LOXHD1: variants seen among roughly 807,000 people sequenced by gnomAD.
LOXHD1 encodes lipoxygenase homology PLAT domains 1, also known as lipoxygenase homology domain-containing protein 1.
A neutral mutation model predicts 248.2 loss-of-function variants in LOXHD1; 205 were observed. That is an observed-to-expected ratio of 0.83 (90% CI 0.74 to 0.93). The LOEUF (loss-of-function observed/expected upper bound fraction) is 0.93, where lower values mean the gene tolerates loss of function less well. Ranked by LOEUF, LOXHD1 falls within the 40% of genes least tolerant of loss-of-function variation. The pLI is 0.00. For missense variants in LOXHD1, 2,930 were observed against 2,971.6 expected (o/e 0.99, Z 0.33); for synonymous variants, 1,113 against 1,162.8 (o/e 0.96, Z 0.87).
intron 40 of LOXHD1, among the ~76,000 whole-genome samples, chr18:46,480,300 T>C (rs1407763683): frequency 3.3e-5 from 5 of 152,044 alleles, no homozygotes; most frequent in Non-Finnish European, 7.4e-5. Flanking sequence ...CAGTTGAGGG[T>C]GTAGCCTGCC....
intron 25 of LOXHD1, among the ~76,000 whole-genome samples, chr18:46,540,654 CTTTTTTTTTTT>C (rs60099172): frequency 1.1e-5 from 1 of 91,402 alleles, no homozygotes. Context: ...AACTCTTTAT[CTTTTTTTTTTT>C]TTTTTTTTTT....
chr18:46,580,703 T>C (rs1186414591), intron 12 of LOXHD1, among the ~76,000 whole-genome samples: 3 of 152,242 alleles, frequency 2.0e-5, no homozygotes, highest in African/African-American at 4.8e-5. Flanking sequence ...TTGTTATATC[T>C]GTAACTAAGA....
At chr18:46,589,060 G>T (rs1232551232) in intron 12 of LOXHD1, among the ~76,000 whole-genome samples, 1 of 152,160 alleles carries the variant, frequency 6.6e-6, no homozygotes, top group East Asian at 1.9e-4. Context: ...GTGAGTGTTG[G>T]AGGCTGAAAG....
chr18:46,495,458 A>G (rs2033796311), intron 37 of LOXHD1, among the ~76,000 whole-genome samples: 1 of 152,150 alleles, frequency 6.6e-6, no homozygotes, highest in Non-Finnish European at 1.5e-5. Context: ...TGTAACCTTA[A>G]TTGATCATCA....
At position 46,559,611 on chromosome 18, in the gene LOXHD1, A is replaced by C. The variant is rs879029946; in HGVS notation, c.3062-9T>G. The stretch of plus-strand genomic sequence containing the variant: ...AACCTCATAGGTGTTTCCTGTAGAC[A>C]CAGAAAGATGCAGTGTGGAGGGCCT... On this transcript the variant is annotated splice_polypyrimidine_tract_variant and intron_variant, in intron 19 of 40. Coordinates refer to ENST00000642948, the MANE Select transcript of LOXHD1 (RefSeq NM_001384474.1). 1.3e-6 allele frequency: 2 copies of C among 1,551,312 alleles called. No homozygotes were observed. The highest frequency in any genetic ancestry group is 2.4e-5 in the East Asian group (1 of 40,884).
Position 46,541,875 on chromosome 18 carries a change from T to C in LOXHD1, c.3814A>G (p.Thr1272Ala). The C allele has an allele frequency of 6.4e-7, 1 of 1,551,704 alleles. No individual in the cohort carries two copies. Among genetic ancestry groups the C allele is most frequent in the East Asian group, 2.4e-5 (1 of 40,912 alleles). The stretch of plus-strand genomic sequence containing the variant: ...GCCAGCCAGCGGCCACAGGGAAACG[T>C]CATGCACTTCCCAAGAGATGGGGCA... ...VDAPSLGKCM[T>A]FPCGRWLAKN... The change falls in exon 25 of 41, where the codon ACG (threonine) becomes GCG (alanine). Residue 1272 changes from threonine (T) to alanine (A), a missense_variant. Coordinates refer to ENST00000642948, the MANE Select transcript of LOXHD1 (RefSeq NM_001384474.1).
chr18:46,643,000 C>T (rs1343735530), intron 2 of LOXHD1, among the ~76,000 whole-genome samples: 3 of 152,176 alleles, frequency 2.0e-5, no homozygotes, highest in Non-Finnish European at 2.9e-5. Context: ...TATCCACCAT[C>T]GACGTCTTTT....
chr18:46,577,774 G>C lies in LOXHD1; in HGVS notation c.1903C>G (p.Leu635Val), dbSNP rs1057195292. 1.3e-6 allele frequency: 2 copies of C among 1,551,676 alleles called. No individual in the cohort carries two copies. The highest frequency in any genetic ancestry group is 1.7e-6 in the Non-Finnish European group (2 of 1,146,992). The change falls in exon 14 of 41, where the codon CTG becomes GTG. Residue 635 changes from leucine to valine, a missense_variant. By Grantham distance (32) the Leu-to-Val change is conservative. Coordinates refer to ENST00000642948, the MANE Select transcript of LOXHD1 (RefSeq NM_001384474.1). ...DGKGSGSGWY[L>V]DRVLVREEGQ... is the part of the protein sequence containing the mutation. ...TCCTCTCTCACCAGCACTCTGTCCA[G>C]GTACCAGCCGCTGCCGGAGCCTTTG...
chr18:46,489,549 C>T (rs77759411), intron 37 of LOXHD1, among the ~76,000 whole-genome samples: 12,077 of 152,216 alleles, frequency 0.079, 534 homozygotes, highest in African/African-American at 0.1. Context: ...TGACTTCTAT[C>T]ACTTCCTGAC....
intron 2 of LOXHD1, among the ~76,000 whole-genome samples, chr18:46,648,433 G>A (rs2039061227): frequency 6.6e-6 from 1 of 152,164 alleles, no homozygotes; most frequent in South Asian, 2.1e-4. Context: ...AATGTTTCAT[G>A]GACTCAGACC....
At chr18:46,632,794 C>T (rs183212791) in intron 4 of LOXHD1, among the ~76,000 whole-genome samples, 1 of 152,322 alleles carries the variant, frequency 6.6e-6, no homozygotes, top group East Asian at 1.9e-4. Context: ...CTGACGCCCA[C>T]TCTTAGAGTG....
At chr18:46,541,202 C>T (rs1460269019) in intron 25 of LOXHD1, among the ~76,000 whole-genome samples, 115 of 152,270 alleles carry the variant, frequency 7.6e-4, no homozygotes, top group Non-Finnish European at 1.5e-4. Flanking sequence ...TTACTCCCTT[C>T]CCTTCTTCCC....
At chr18:46,540,654 C>CTTTT (rs60099172) in intron 25 of LOXHD1, among the ~76,000 whole-genome samples, 20,460 of 91,172 alleles carry the variant, frequency 0.22, 2,356 homozygotes, top group East Asian at 0.37. Flanking sequence ...AACTCTTTAT[C>CTTTT]TTTTTTTTTT....
At chr18:46,648,984 C>T (rs999912433) in intron 2 of LOXHD1, among the ~76,000 whole-genome samples, 171 bp downstream of exon 2, 7 of 152,146 alleles carry the variant, frequency 4.6e-5, no homozygotes, top group African/African-American at 2.4e-5. Flanking sequence ...GGAGGTGCAC[C>T]GGGGGATCCC....
At chr18:46,643,717 A>G (rs1240821642) in intron 2 of LOXHD1, among the ~76,000 whole-genome samples, 3 of 152,246 alleles carry the variant, frequency 2.0e-5, no homozygotes, top group African/African-American at 7.2e-5. Context: ...CTTCCAATAT[A>G]TAAGACAAGG....
chr18:46,601,683 G>C (rs988842832), intron 7 of LOXHD1: 4 of 617,490 alleles, frequency 6.5e-6, no homozygotes, highest in Non-Finnish European at 1.1e-5. Context: ...ATCTGAGTTT[G>C]AGAATAAACC....
rs1433790197 is a variant in LOXHD1, at chr18:46,488,968, A to T, written c.6049+4T>A. 6.4e-7 allele frequency: 1 copy of T among 1,550,562 alleles called. No homozygotes were observed. The highest frequency in any genetic ancestry group is 1.2e-5 in the South Asian group (1 of 84,036). ...CTCCTGAGCCAATGATCTCCCCCAC[A>T]TACTGGTCTCTTCCAGCTCATCACA... is the stretch of plus-strand genomic sequence containing the variant. On this transcript the variant is annotated splice_donor_region_variant and intron_variant, in intron 38 of 40. Coordinates refer to ENST00000642948, the MANE Select transcript of LOXHD1 (RefSeq NM_001384474.1).
At chr18:46,500,792 G>A (rs191565549) in intron 37 of LOXHD1, among the ~76,000 whole-genome samples, 206 of 152,116 alleles carry the variant, frequency 1.4e-3, no homozygotes, top group African/African-American at 4.5e-3. Flanking sequence ...ATTTTTTCCT[G>A]TTTTAGGGCT....
At chr18:46,624,447 G>T (rs2038711848) in intron 4 of LOXHD1, among the ~76,000 whole-genome samples, 1 of 152,184 alleles carries the variant, frequency 6.6e-6, no homozygotes, top group Admixed American at 6.5e-5. Flanking sequence ...TGGGCAGGGG[G>T]GACAATGCCA....
Sources: gnomAD v4.1 joint callset for allele counts (sites outside exome capture counted in the v4.1 genomes callset) on GRCh38, gnomAD v4.1.1 for gene constraint, MANE v1.5 for transcripts, NCBI Gene and HGNC (gene_info 2026-07-23, HGNC 2026-07-21) for gene names.